PRDM5: variants seen among roughly 807,000 people sequenced by gnomAD.
PRDM5 encodes PR domain zinc finger protein 5.
Under a neutral mutation model 81.2 loss-of-function variants are expected in PRDM5, and 56 were observed. The observed-to-expected ratio is 0.69, with a 90% confidence interval of 0.56 to 0.86. The LOEUF (loss-of-function observed/expected upper bound fraction) is 0.86. PRDM5 is among the 40% of genes least tolerant of loss of function. PRDM5 has a pLI of 0.00. For missense variants in PRDM5, 697 were observed against 770.1 expected, an observed-to-expected ratio of 0.91 and a Z score of 1.12; for synonymous variants, 267 against 256.4, an observed-to-expected ratio of 1.04 and a Z score of -0.39.
At chr4:120,870,850 T>G (rs1231560473) in intron 2 of PRDM5, among the ~76,000 whole-genome samples, 1 of 152,146 alleles carries the variant, frequency 6.6e-6, no homozygotes, top group Non-Finnish European at 1.5e-5. Context: ...AGAAGGAGAT[T>G]TATTCAGAGT....
At chr4:120,698,505 A>C (rs1734857730) in intron 15 of PRDM5, among the ~76,000 whole-genome samples, 1 of 151,972 alleles carries the variant, frequency 6.6e-6, no homozygotes, top group Non-Finnish European at 1.5e-5. Context: ...TCCTCTGGTG[A>C]TCTTAATCGT....
intron 14 of PRDM5, among the ~76,000 whole-genome samples, chr4:120,747,977 A>T (rs78646234): frequency 0.035 from 5,348 of 152,342 alleles, 311 homozygotes; most frequent in African/African-American, 0.12. Flanking sequence ...TATCGTAAAC[A>T]GTTACAAACA....
intron 8 of PRDM5, among the ~76,000 whole-genome samples, chr4:120,802,271 G>A (rs1201366329): frequency 3.9e-5 from 6 of 152,250 alleles, no homozygotes; most frequent in Admixed American, 2.0e-4. Flanking sequence ...AATAAAGAGG[G>A]CAGTTCCAAG....
At chr4:120,758,987 C>T (rs147344450) in intron 13 of PRDM5, among the ~76,000 whole-genome samples, 2,761 of 152,132 alleles carry the variant, frequency 0.018, 34 homozygotes, top group Middle Eastern at 0.031. Flanking sequence ...GATCTCCTGA[C>T]CTCGTCATCC....
intron 13 of PRDM5, among the ~76,000 whole-genome samples, chr4:120,762,116 T>C (rs1464910698): frequency 6.6e-6 from 1 of 152,160 alleles, no homozygotes; most frequent in Non-Finnish European, 1.5e-5. Flanking sequence ...TGTCATTTAA[T>C]ATATTTCAAA....
intron 10 of PRDM5, among the ~76,000 whole-genome samples, chr4:120,791,244 C>T (rs545834892): frequency 1.3e-5 from 2 of 152,030 alleles, no homozygotes; most frequent in Non-Finnish European, 2.9e-5. Context: ...AAAGGATGTT[C>T]ACTGCATTAT....
chr4:120,889,013 C>T (rs1763769505), intron 2 of PRDM5, among the ~76,000 whole-genome samples: 1 of 152,000 alleles, frequency 6.6e-6, no homozygotes, highest in African/African-American at 2.4e-5. Context: ...ATCTTATCAT[C>T]CTCTGTGACT....
Position 120,810,888 on chromosome 4 carries a change from G to T in PRDM5, c.945+482C>A, listed in dbSNP as rs376370548. 1.1e-4 allele frequency among the ~76,000 whole-genome samples: 16 copies of T among 152,236 alleles called. No homozygotes were observed. In the East Asian group the frequency reaches 3.1e-3, roughly 29 times the overall value. ...TTATAAGTTAAACCCACAGCACATG[G>T]TTGGAGCTACTGGATTAAAAATCAT... is the stretch of plus-strand genomic sequence containing the variant. On this transcript the variant is annotated intron_variant, in intron 8 of 15. Coordinates refer to ENST00000264808, the MANE Select transcript of PRDM5 (RefSeq NM_018699.4).
chr4:120,808,176 G>A (rs1753279448), intron 8 of PRDM5, among the ~76,000 whole-genome samples: 1 of 152,112 alleles, frequency 6.6e-6, no homozygotes, highest in Non-Finnish European at 1.5e-5. Context: ...GGGGCAGCCT[G>A]CTTTTATTCT....
intron 7 of PRDM5, 83 bp downstream of exon 7, chr4:120,816,370 C>T: frequency 6.2e-7 from 1 of 1,608,860 alleles, no homozygotes; most frequent in East Asian, 2.2e-5. Flanking sequence ...CAGCTCTCTC[C>T]TCAAGAGCGA....
chr4:120,874,312 T>C (rs1033127717), intron 2 of PRDM5, among the ~76,000 whole-genome samples: 1 of 152,136 alleles, frequency 6.6e-6, no homozygotes, highest in African/African-American at 2.4e-5. Context: ...ATATGTAAAG[T>C]TAATAATAAT....
chr4:120,731,445 A>G (rs192293694), intron 14 of PRDM5, among the ~76,000 whole-genome samples: 1 of 151,134 alleles, frequency 6.6e-6, no homozygotes, highest in East Asian at 1.9e-4. Context: ...GATGTCAGTT[A>G]AAGCAATAAA....
At chr4:120,908,909 T>G (rs1044963599) in intron 1 of PRDM5, among the ~76,000 whole-genome samples, 1 of 152,152 alleles carries the variant, frequency 6.6e-6, no homozygotes, top group Non-Finnish European at 1.5e-5. Flanking sequence ...AACATCACAC[T>G]TAAACACAAC....
At chr4:120,801,282 A>G (rs1752081975) in intron 8 of PRDM5, among the ~76,000 whole-genome samples, 2 of 152,240 alleles carry the variant, frequency 1.3e-5, no homozygotes, top group Admixed American at 6.5e-5. Flanking sequence ...CTGGTACAGC[A>G]CATGAGTAAT....
chr4:120,860,044 C>T (rs1191082133), intron 2 of PRDM5, among the ~76,000 whole-genome samples: 2 of 152,150 alleles, frequency 1.3e-5, no homozygotes, highest in Non-Finnish European at 1.5e-5. Context: ...GGTTGCCACA[C>T]CTGACATTTA....
chr4:120,764,322 T>C (rs577250640), intron 13 of PRDM5, among the ~76,000 whole-genome samples: 1 of 152,190 alleles, frequency 6.6e-6, no homozygotes, highest in South Asian at 2.1e-4. Flanking sequence ...TATTAATTCA[T>C]TTGGTTATTG....
At chr4:120,914,203 A>C (rs1234541768) in intron 1 of PRDM5, among the ~76,000 whole-genome samples, 3 of 152,060 alleles carry the variant, frequency 2.0e-5, no homozygotes, top group Non-Finnish European at 4.4e-5. Context: ...AAAAAAAAAA[A>C]CTTTTAAGAG....
At chr4:120,898,827 T>C (rs941488508) in intron 2 of PRDM5, among the ~76,000 whole-genome samples, 1 of 152,108 alleles carries the variant, frequency 6.6e-6, no homozygotes, top group African/African-American at 2.4e-5. Flanking sequence ...AAAACATAGG[T>C]CCCAGAAGAA....
rs137918184 is a variant in PRDM5 at position 120,894,965 on chromosome 4, T to C, written c.177+12509A>G. 5.5e-3 allele frequency among the ~76,000 whole-genome samples: 831 copies of C among 152,328 alleles called. 9 individuals are homozygous for C. Among genetic ancestry groups the C allele is most frequent in the African/African-American group, 0.019 (785 of 41,570 alleles). ...TCTTTCTCTCCTCTCCTTGTAACAC[T>C]AAACACCAAAACATCGGAAATCCAT... On this transcript the variant is annotated intron_variant, in intron 2 of 15. Coordinates refer to ENST00000264808, the MANE Select transcript of PRDM5 (RefSeq NM_018699.4).
Sources: allele counts gnomAD v4.1 joint callset (sites outside exome capture counted in the v4.1 genomes callset), GRCh38; gene constraint gnomAD v4.1.1; transcripts MANE v1.5; gene names NCBI Gene and HGNC (gene_info 2026-07-23, HGNC 2026-07-21).